POLA1: variants seen among roughly 807,000 people sequenced by gnomAD.
POLA1 encodes DNA polymerase alpha catalytic subunit.
A neutral mutation model predicts 124.0 loss-of-function variants in POLA1; 15 were observed. The observed-to-expected ratio is 0.12, with a 90% CI of 0.08 to 0.19. POLA1 has a LOEUF of 0.19. Among genes scored for constraint, POLA1 ranks in the 10% least tolerant of loss-of-function variants. The pLI is 1.00. For synonymous variants in POLA1, 408 were observed against 389.4 expected, an observed-to-expected ratio of 1.05 and a Z score of -0.56; for missense variants, 886 against 1,103.4, an observed-to-expected ratio of 0.80 and a Z score of 2.79.
intron 35 of POLA1, among the ~76,000 whole-genome samples, chrX:24,923,983 A>G (rs2047656319): frequency 8.9e-6 from 1 of 112,280 alleles, no homozygotes; most frequent in Admixed American, 9.5e-5. Context: ...AAATTGAGCG[A>G]TACTGGAATT....
chrX:24,840,718 T>A (rs1180108145), intron 32 of POLA1, among the ~76,000 whole-genome samples: 2 of 112,538 alleles, frequency 1.8e-5, no homozygotes, highest in African/African-American at 3.2e-5. Flanking sequence ...AGTTTTCTCT[T>A]AGATTTCCAA....
chrX:24,723,174 G>A lies in POLA1; in HGVS notation c.1107G>A (p.Gly369=), dbSNP rs781643513. Reference sequence around the variant, plus strand: ...TTTCAGGTGTGGTATTTCTGTTTGGGAAAGTTTGGATTGAATCAGCCGAGA... The same window carrying A: ...TTTCAGGTGTGGTATTTCTGTTTGGAAAAGTTTGGATTGAATCAGCCGAGA... ...YNQPGVVFLF[G]KVWIESAETH... is the part of the protein sequence containing the mutation. Residue 369 remains glycine (G), a synonymous_variant, in exon 11 of 37, where the codon GGG becomes GGA. Coordinates refer to ENST00000379068, the MANE Select transcript of POLA1 (RefSeq NM_001330360.2). 5.0e-5 allele frequency: 60 copies of A among 1,199,243 alleles called. No individual in the cohort carries two copies. The highest frequency in any genetic ancestry group is 6.5e-5 in the Non-Finnish European group (58 of 885,510).
intron 36 of POLA1, among the ~76,000 whole-genome samples, chrX:24,972,944 G>C (rs1449077636): frequency 1.8e-5 from 2 of 112,222 alleles, no homozygotes; most frequent in Non-Finnish European, 3.8e-5. Flanking sequence ...CCTTCCATTA[G>C]CCAATTCTGG....
chrX:24,762,922 G>C (rs1053704340), intron 26 of POLA1, among the ~76,000 whole-genome samples: 7 of 110,822 alleles, frequency 6.3e-5, no homozygotes, highest in African/African-American at 2.3e-4. Flanking sequence ...ATTTTTAGTA[G>C]AGTTGGGGTT....
At chrX:24,839,602 A>G (rs749304837) in intron 32 of POLA1, among the ~76,000 whole-genome samples, 7 of 112,123 alleles carry the variant, frequency 6.2e-5, no homozygotes, top group African/African-American at 9.7e-5. Flanking sequence ...GGGGAGGGGT[A>G]GAGAGTAGCT....
intron 34 of POLA1, among the ~76,000 whole-genome samples, chrX:24,883,781 C>T (rs1207916860): frequency 1.8e-5 from 2 of 111,953 alleles, no homozygotes; most frequent in Admixed American, 9.5e-5. Flanking sequence ...TGCGGCATTA[C>T]GTAATAAAAT....
chrX:24,723,312 C>A, intron 11 of POLA1, 45 bp downstream of exon 11: 1 of 820,763 alleles, frequency 1.2e-6, no homozygotes, highest in East Asian at 3.1e-5. Flanking sequence ...GTTGTATCTG[C>A]CACACATTCT....
intron 35 of POLA1, among the ~76,000 whole-genome samples, chrX:24,893,687 A>G (rs1028135729): frequency 8.9e-6 from 1 of 112,226 alleles, no homozygotes; most frequent in Non-Finnish European, 1.9e-5. Flanking sequence ...CTCGCATAAC[A>G]TTTTTGAAGT....
At chrX:24,810,159 G>A (rs1406856210) in intron 27 of POLA1, among the ~76,000 whole-genome samples, 1 of 111,456 alleles carries the variant, frequency 9.0e-6, no homozygotes, top group Non-Finnish European at 1.9e-5. Flanking sequence ...ATTAGTAACA[G>A]TGCTAATTAG....
In POLA1 at chrX:24,996,290, G is replaced by A. The variant is rs1205719187; in HGVS notation, c.*340G>A. 5.0e-5 allele frequency: 8 copies of A among 159,236 alleles called. No individual in the cohort carries two copies. Among genetic ancestry groups the A allele is most frequent in the Non-Finnish European group, 9.4e-5 (8 of 84,847 alleles). 13.1% of individuals were successfully genotyped at this position (159,236 alleles called of 1,213,427 possible). ...GTAGCTGGAATGTAAGTGACCCCAGGCTTTGCCTCAGGGCCTTTAGCCTAT... is the reference window on the plus strand; with the variant it reads ...GTAGCTGGAATGTAAGTGACCCCAGACTTTGCCTCAGGGCCTTTAGCCTAT... On this transcript the variant is annotated 3_prime_UTR_variant, in exon 37 of 37. Coordinates refer to ENST00000379068, the MANE Select transcript of POLA1 (RefSeq NM_001330360.2).
In POLA1 at chrX:24,940,035, A is replaced by T. The variant is rs769069380; in HGVS notation, c.4261+9486A>T. 2.7e-5 allele frequency among the ~76,000 whole-genome samples: 3 copies of T among 111,846 alleles called. No homozygotes were observed. The East Asian group carries it at 8.3e-4, about 31-fold the overall frequency. On this transcript the variant is annotated intron_variant, in intron 36 of 36. Transcript: ENST00000379068. ...TTCAGTTTGGAGAAGGTGTTTTTCC[A>T]GTTTGTGTTTATATTTACTAAGATA...
Position 24,746,123 on chromosome X carries a change from C to T in POLA1, c.2691+581C>T, listed in dbSNP as rs911430462. The stretch of plus-strand genomic sequence containing the variant: ...CCTGAATTTATATGTCAGTTCTCAC[C>T]GCAAGCTTAGGACCTGTTTTTCAAT... On this transcript the variant is annotated intron_variant, in intron 24 of 36. Coordinates refer to ENST00000379068, the MANE Select transcript of POLA1 (RefSeq NM_001330360.2). Among the ~76,000 whole-genome samples, 6 of 110,748 alleles carry T rather than the reference C, an allele frequency of 5.4e-5. No individual in the cohort carries two copies. Among genetic ancestry groups the T allele is most frequent in the Non-Finnish European group, 9.4e-5 (5 of 52,944 alleles).
At chrX:24,851,383 C>G (rs1464128973) in intron 34 of POLA1, among the ~76,000 whole-genome samples, 2 of 112,489 alleles carry the variant, frequency 1.8e-5, no homozygotes. Context: ...GGTATCCTGC[C>G]CATAATAACT....
intron 4 of POLA1, among the ~76,000 whole-genome samples, chrX:24,709,453 T>G (rs1929171756): frequency 1.1e-5 from 1 of 92,098 alleles, no homozygotes; most frequent in Non-Finnish European, 2.2e-5. Flanking sequence ...CCCCCCCACC[T>G]CCCTCCCGGA....
intron 34 of POLA1, 92 bp downstream of exon 34, chrX:24,843,769 CTT>C: frequency 3.4e-6 from 2 of 595,211 alleles, no homozygotes; most frequent in South Asian, 6.3e-5. Context: ...TTTGAAAAGA[CTT>C]TTGGGAAAAA....
At chrX:24,821,619 T>C (rs1174657523) in intron 31 of POLA1, 36 bp downstream of exon 31, 2 of 1,094,655 alleles carry the variant, frequency 1.8e-6, no homozygotes, top group South Asian at 4.2e-5. Flanking sequence ...CTGACACCTC[T>C]TAAGAACTGA....
chrX:24,735,875 T>A (rs1931241187), intron 18 of POLA1, among the ~76,000 whole-genome samples: 1 of 111,822 alleles, frequency 8.9e-6, no homozygotes, highest in Admixed American at 9.5e-5. Flanking sequence ...TATTTTAATT[T>A]TATGAGTTCA....
chrX:24,808,070 A>G (rs1348643177), intron 26 of POLA1, among the ~76,000 whole-genome samples: 1 of 112,326 alleles, frequency 8.9e-6, no homozygotes, highest in African/African-American at 3.2e-5. Flanking sequence ...GAAAACATTC[A>G]GGAGATTGGT....
At chrX:24,704,746 A>G (rs1928683805) in intron 4 of POLA1, among the ~76,000 whole-genome samples, 1 of 112,216 alleles carries the variant, frequency 8.9e-6, no homozygotes, top group Admixed American at 9.5e-5. Flanking sequence ...GTGGTCATTT[A>G]AAACTTGCTG....
Sources: gnomAD v4.1 joint callset for allele counts (sites outside exome capture counted in the v4.1 genomes callset) on GRCh38, gnomAD v4.1.1 for gene constraint, MANE v1.5 for transcripts, NCBI Gene and HGNC (gene_info 2026-07-23, HGNC 2026-07-21) for gene names.